FCSK: variants seen among roughly 807,000 people sequenced by gnomAD.
FCSK encodes fucose kinase, also known as L-fucose kinase.
FCSK carries 123 observed loss-of-function variants against 122.5 expected under a neutral mutation model. The observed-to-expected ratio is 1.00, with a 90% CI of 0.87 to 1.17. The LOEUF (loss-of-function observed/expected upper bound fraction) is 1.17. Ranked by LOEUF, FCSK falls within the 50% of genes most tolerant of loss-of-function variation. The pLI, the probability that FCSK is intolerant of heterozygous loss-of-function variation, is 0.00. For synonymous variants in FCSK, 620 were observed against 625.5 expected, an observed-to-expected ratio of 0.99 and a Z score of 0.13; for missense variants, 1,366 against 1,450.4, an observed-to-expected ratio of 0.94 and a Z score of 0.95.
At chr16:70,478,498 G>T in intron 21 of FCSK, 39 bp downstream of exon 21, 2 of 1,613,208 alleles carry the variant, frequency 1.2e-6, no homozygotes, top group Non-Finnish European at 1.7e-6. Context: ...CAGGCAGGGG[G>T]CCTGCCAGCT....
At chr16:70,460,687 G>A (rs927077893) in intron 1 of FCSK, among the ~76,000 whole-genome samples, 1 of 152,240 alleles carries the variant, frequency 6.6e-6, no homozygotes, top group Admixed American at 6.6e-5. Context: ...ACAGATGTGA[G>A]CCACTGCGCC....
intron 3 of FCSK, among the ~76,000 whole-genome samples, chr16:70,464,775 G>A (rs527500795): frequency 1.3e-5 from 2 of 152,104 alleles, no homozygotes; most frequent in East Asian, 3.9e-4. Context: ...CTAGTTAAGA[G>A]GCTGAGGTGG....
intron 2 of FCSK, 66 bp downstream of exon 2, chr16:70,463,338 C>A: frequency 7.1e-7 from 1 of 1,408,666 alleles, no homozygotes; most frequent in Admixed American, 1.8e-5. Flanking sequence ...GGCTATGTCC[C>A]TCCAACACCA....
At chr16:70,466,314 A>G in intron 5 of FCSK, 57 bp downstream of exon 5, 1 of 1,601,602 alleles carries the variant, frequency 6.2e-7, no homozygotes, top group Non-Finnish European at 8.5e-7. Flanking sequence ...CTTCCCTCCC[A>G]CTGTTCCCCC....
Position 70,469,242 on chromosome 16 carries a change from G to A in FCSK, c.874G>A (p.Gly292Ser). 1 of 1,613,998 alleles carries A rather than the reference G, an allele frequency of 6.2e-7. No individual in the cohort carries two copies. Among genetic ancestry groups the A allele is most frequent in the East Asian group, 2.2e-5 (1 of 44,878 alleles). ...LVGRPPELGQGDADVAGYLQS... is the reference protein window; with the variant it reads ...LVGRPPELGQSDADVAGYLQS... ...GGGGAGGCCCCCAGAGTTGGGGCAAGGCGATGCAGATGTAGCGGGTTATCT... is the reference window on the plus strand; with the variant it reads ...GGGGAGGCCCCCAGAGTTGGGGCAAAGCGATGCAGATGTAGCGGGTTATCT... The change falls in exon 10 of 24, where the codon GGC becomes AGC. Residue 292 changes from glycine (G) to serine (S), a missense_variant. Transcript: ENST00000288078.
intron 1 of FCSK, 77 bp from the exon 2 acceptor site, chr16:70,463,092 G>T: frequency 2.3e-6 from 2 of 869,242 alleles, no homozygotes; most frequent in South Asian, 3.2e-5. Context: ...TAAAATCATA[G>T]AATTGTATAT....
chr16:70,463,109 A>T, intron 1 of FCSK, 60 bp from the exon 2 acceptor site: 2 of 949,314 alleles, frequency 2.1e-6, no homozygotes, highest in Non-Finnish European at 3.3e-6. Context: ...ATATAAAATT[A>T]ATTACTTTTA....
rs774703787 is a variant in FCSK, at chr16:70,471,095, G to T, written c.1170+23G>T. 6 of 1,592,854 alleles carry T rather than the reference G, an allele frequency of 3.8e-6. No homozygotes were observed. The East Asian group carries it at 1.4e-4, about 36-fold the overall frequency. On this transcript the variant is annotated intron_variant, in intron 12 of 23. Transcript: ENST00000288078. Reference sequence around the variant, plus strand: ...CAGGTGAGGCCTGAGCGTGTGGGCAGATTGGGGCGAGGGTGCTGGCATCCC... The same window carrying T: ...CAGGTGAGGCCTGAGCGTGTGGGCATATTGGGGCGAGGGTGCTGGCATCCC...
intron 16 of FCSK, 37 bp downstream of exon 16, chr16:70,474,376 C>T: frequency 1.3e-6 from 2 of 1,598,908 alleles, no homozygotes; most frequent in Non-Finnish European, 8.5e-7. Context: ...TTGGATAAGC[C>T]CCTTGCTGTC....
chr16:70,478,208 C>A (rs2048875165), intron 20 of FCSK, 64 bp from the exon 21 acceptor site: 1 of 1,555,492 alleles, frequency 6.4e-7, no homozygotes, highest in African/African-American at 1.4e-5. Flanking sequence ...GGGCCGGGAG[C>A]CTAGGCTGGG....
In FCSK at chr16:70,480,012, G is replaced by A. The variant is rs1331852611; in HGVS notation, c.*332G>A. 8 of 227,630 alleles carry A rather than the reference G, an allele frequency of 3.5e-5. No individual in the cohort carries two copies. Among genetic ancestry groups the A allele is most frequent in the Admixed American group, 5.1e-5 (1 of 19,702 alleles). 14.1% of individuals were successfully genotyped at this position (227,630 alleles called of 1,614,324 possible). A position where few individuals can be genotyped will look rare whatever the true frequency, so the allele number is the denominator to read the frequency against. ...GACAGCCAGCCTTGGCATATGGCTG[G>A]GAGTCCCTTAGCAAGGCCAACCCTG... On this transcript the variant is annotated 3_prime_UTR_variant, in exon 24 of 24. Coordinates refer to ENST00000288078, the MANE Select transcript of FCSK (RefSeq NM_145059.3).
intron 8 of FCSK, 39 bp downstream of exon 8, chr16:70,468,005 C>T (rs1324421904): frequency 2.0e-6 from 3 of 1,493,024 alleles, no homozygotes; most frequent in Non-Finnish European, 2.8e-6. Context: ...CTTTGGGGAC[C>T]TTATGGGACA....
Position 70,463,202 on chromosome 16 carries a change from G to A in FCSK, c.12G>A (p.Pro4=), listed in dbSNP as rs8044110. 9,335 of 1,613,884 alleles carry A rather than the reference G, an allele frequency of 5.8e-3. 523 individuals are homozygous for A. The African/African-American group carries it at 0.11, about 19-fold the overall frequency. The change falls in exon 2 of 24, where the codon CCG becomes CCA. Residue 4 remains proline (P), a synonymous_variant. Transcript: ENST00000288078. MEQ[P]KGVDWTVIIL... ...TCCGCTTGGCCAGAATGGAGCAGCCGAAGGGAGTTGATTGGACAGTCATCA... is the reference window on the plus strand; with the variant it reads ...TCCGCTTGGCCAGAATGGAGCAGCCAAAGGGAGTTGATTGGACAGTCATCA...
At chr16:70,475,889 G>A in intron 20 of FCSK, 122 bp downstream of exon 20, 2 of 1,041,358 alleles carry the variant, frequency 1.9e-6, no homozygotes, top group Non-Finnish European at 1.3e-6. Flanking sequence ...TGCTGCTGTT[G>A]GAAATACTTT....
Position 70,474,508 on chromosome 16 carries a change from C to G in FCSK, c.1989-20C>G, listed in dbSNP as rs1479054828. On this transcript the variant is annotated intron_variant, in intron 16 of 23. Coordinates refer to ENST00000288078, the MANE Select transcript of FCSK (RefSeq NM_145059.3). The stretch of plus-strand genomic sequence containing the variant: ...CAGCTTGGGGCTGCATGCCACCATC[C>G]CTCCCCCTTCTCTTGGCAGGCCAGC... 1.6e-5 allele frequency: 24 copies of G among 1,546,496 alleles called. No homozygotes were observed. Among genetic ancestry groups the G allele is most frequent in the Non-Finnish European group, 2.0e-5 (23 of 1,146,640 alleles).
intron 22 of FCSK, chr16:70,478,978 T>A (rs2048909766): frequency 1.5e-6 from 1 of 662,280 alleles, no homozygotes. Flanking sequence ...CCGACTATGC[T>A]GGGTGTGGTG....
chr16:70,454,677 CGCCCCT>C, intron 1 of FCSK, 47 bp downstream of exon 1: 1 of 152,186 alleles, frequency 6.6e-6, no homozygotes, highest in African/African-American at 2.4e-5. Context: ...GCGCCCCTTG[CGCCCCT>C]TGCGCCCCCT....
intron 13 of FCSK, 139 bp downstream of exon 13, chr16:70,471,491 G>T: frequency 1.2e-6 from 1 of 863,722 alleles, no homozygotes; most frequent in South Asian, 1.8e-5. Flanking sequence ...ATGTAGGGAG[G>T]AGAGAATGAG....
At position 70,470,396 on chromosome 16, in the gene FCSK, TG is replaced by T. The variant is rs775240922; in HGVS notation, c.1042del (p.Ala348ProfsTer48). On this transcript the variant is annotated frameshift_variant, in exon 11 of 24. Coordinates refer to ENST00000288078, the MANE Select transcript of FCSK (RefSeq NM_145059.3). LOFTEE classifies it high-confidence loss of function. ...LLSLTLPGAP[G>X]AQIVHSQVEE... is the part of the protein sequence containing the mutation. ...TCAGCCTCACACTCCCCGGGGCTCCTGGGGCCCAGATTGTGCACTCCCAGGT... is the reference window on the plus strand; with the variant it reads ...TCAGCCTCACACTCCCCGGGGCTCCTGGGCCCAGATTGTGCACTCCCAGGT... 13 of 1,612,490 alleles carry T rather than the reference TG, an allele frequency of 8.1e-6. No individual in the cohort carries two copies. Among genetic ancestry groups the T allele is most frequent in the South Asian group, 2.2e-5 (2 of 90,948 alleles).
Sources: allele counts gnomAD v4.1 joint callset (sites outside exome capture counted in the v4.1 genomes callset), GRCh38; gene constraint gnomAD v4.1.1; transcripts MANE v1.5; gene names NCBI Gene and HGNC (gene_info 2026-07-23, HGNC 2026-07-21).